The following MUC17 variants were observed in gnomAD, a reference collection of about 807,000 sequenced individuals.
MUC17 encodes mucin 17, cell surface associated.
In MUC17, 190 loss-of-function variants were observed where a neutral mutation model predicts 170.3. The observed-to-expected ratio is 1.12, with a 90% confidence interval of 0.99 to 1.26. The LOEUF (loss-of-function observed/expected upper bound fraction) is 1.26, where lower values mean the gene tolerates loss of function less well. Ranked by LOEUF, MUC17 falls within the 50% of genes most tolerant of loss-of-function variation. The pLI, the probability that MUC17 is intolerant of heterozygous loss-of-function variation, is 0.00. For synonymous variants in MUC17, 2,325 were observed against 2,002.5 expected, an observed-to-expected ratio of 1.16 and a Z score of -4.30; for missense variants, 6,415 against 5,530.0, an observed-to-expected ratio of 1.16 and a Z score of -5.08.
At chr7:101,050,964 T>C (rs10953317) in intron 7 of MUC17, among the ~76,000 whole-genome samples, 92,221 of 151,802 alleles carry the variant, frequency 0.61, 28,542 homozygotes, top group East Asian at 0.81. Flanking sequence ...TCTTGCAGGG[T>C]GCCAGGACTA....
At chr7:101,051,528 T>C (rs911908148) in intron 7 of MUC17, 85 bp from the exon 8 acceptor site, 21 of 1,386,040 alleles carry the variant, frequency 1.5e-5, no homozygotes, top group South Asian at 1.0e-4. Context: ...GCCCACCCCC[T>C]TCTCACACAC....
At chr7:101,044,602 C>T (rs1319918805) in intron 3 of MUC17, among the ~76,000 whole-genome samples, 1 of 152,196 alleles carries the variant, frequency 6.6e-6, no homozygotes, top group Non-Finnish European at 1.5e-5. Flanking sequence ...TGCCTGGGCA[C>T]CTCAGTCTCC....
intron 3 of MUC17, among the ~76,000 whole-genome samples, chr7:101,044,409 A>G (rs574450544): frequency 6.6e-6 from 1 of 152,190 alleles, no homozygotes; most frequent in South Asian, 2.1e-4. Context: ...TTCAATCTCC[A>G]CTCACTACTT....
rs1584869607 is a variant in MUC17 at position 101,040,633 on chromosome 7, T to A, written c.9217T>A (p.Ser3073Thr). 1.2e-6 allele frequency: 2 copies of A among 1,607,466 alleles called. No homozygotes were observed. Among genetic ancestry groups the A allele is most frequent in the Non-Finnish European group, 8.5e-7 (1 of 1,177,580 alleles). Residue 3073 changes from serine to threonine, a missense_variant, in exon 3 of 13, where the codon TCC becomes ACC. Transcript: ENST00000306151. ...CACCCTTTCAACAACTCCTGTTGAC[T>A]CCAACAGTCCTGTGGTCACTTCTAC... is the stretch of plus-strand genomic sequence containing the variant. ...ASTLSTTPVD[S>T]NSPVVTSTEV...
In MUC17 at chr7:101,049,365, G is replaced by T; in HGVS notation, c.12705G>T (p.Val4235=). The change falls in exon 6 of 13, where the codon GTG becomes GTT. Residue 4235 remains valine, a synonymous_variant. Transcript: ENST00000306151. ...VYSGIPEYVG[V]NITKLRLGSV... ...CCGGGATCCCTGAGTATGTCGGGGTGAACATCACAAAGCTACGGTAAGTGT... is the reference window on the plus strand; with the variant it reads ...CCGGGATCCCTGAGTATGTCGGGGTTAACATCACAAAGCTACGGTAAGTGT... The T allele has an allele frequency of 5.6e-6, 9 of 1,613,388 alleles. No homozygotes were observed. The highest frequency in any genetic ancestry group is 7.6e-6 in the Non-Finnish European group (9 of 1,179,666).
chr7:101,040,762 C>G lies in MUC17; in HGVS notation c.9346C>G (p.Pro3116Ala), dbSNP rs562321094. The change falls in exon 3 of 13, where the codon CCG becomes GCG. Residue 3116 changes from proline to alanine, a missense_variant. By Grantham distance (27) the Pro-to-Ala change is conservative (BLOSUM62 -1). Transcript: ENST00000306151. ...PLTGVPVSTT[P>A]VTSSAISTLS... is the part of the protein sequence containing the mutation. ...AACAGGTGTGCCTGTCAGCACCACA[C>G]CGGTGACCAGTTCTGCAATCAGCAC... 6.2e-6 allele frequency: 10 copies of G among 1,612,974 alleles called. No individual in the cohort carries two copies. In the South Asian group the frequency reaches 1.1e-4, roughly 18 times the overall value.
At chr7:101,020,897 T>C (rs1410210822) in intron 1 of MUC17, among the ~76,000 whole-genome samples, 1 of 152,018 alleles carries the variant, frequency 6.6e-6, no homozygotes, top group Admixed American at 6.6e-5. Flanking sequence ...TGACAGTGGG[T>C]TCCAGCTGGA....
chr7:101,038,811 C>T lies in MUC17; in HGVS notation c.7395C>T (p.Thr2465=), dbSNP rs1794580385. 4.3e-6 allele frequency: 7 copies of T among 1,612,710 alleles called. No individual in the cohort carries two copies. The South Asian group carries it at 7.7e-5, about 18-fold the overall frequency. The change falls in exon 3 of 13, where the codon ACC becomes ACT. Residue 2465 remains threonine (T), a synonymous_variant. Transcript: ENST00000306151. ...CGTTAGCAAGTATGCCTGTCAGCAC[C>T]ACGCCGGTGGTCAGTTCTGAGGCTG... The part of the protein sequence containing the change: ...TTPLASMPVS[T]TPVVSSEAGT...
In MUC17 at chr7:101,043,398, C is replaced by T. The variant is rs199655549; in HGVS notation, c.11982C>T (p.Pro3994=). 153 of 1,614,024 alleles carry T rather than the reference C, an allele frequency of 9.5e-5. No homozygotes were observed. The highest frequency in any genetic ancestry group is 2.9e-4 in the East Asian group (13 of 44,900). The change falls in exon 3 of 13, where the codon CCC becomes CCT. Residue 3994 remains proline, a synonymous_variant. Transcript: ENST00000306151. ...SFSTTKEFTT[P]AMTTAAPLTY... ...CAACTACTAAGGAATTTACAACACC[C>T]GCAATGACTACTGCAGCTCCCCTCA...
chr7:101,030,381 T>C (rs1349620588), intron 1 of MUC17, among the ~76,000 whole-genome samples: 2 of 151,884 alleles, frequency 1.3e-5, no homozygotes, highest in African/African-American at 2.4e-5. Context: ...CATGCCACCA[T>C]GCCCAGCTAA....
chr7:101,035,226 CT>C lies in MUC17; in HGVS notation c.3811del (p.Ser1271GlnfsTer10). 6.2e-7 allele frequency: 1 copy of C among 1,609,732 alleles called. No homozygotes were observed. Among genetic ancestry groups the C allele is most frequent in the Non-Finnish European group, 8.5e-7 (1 of 1,177,100 alleles). ...TTAEGTSLPTSTTSEGSTLLT... is the reference protein window; with the variant it reads ...TTAEGTSLPTXTTSEGSTLLT... ...CCGCTGAAGGTACCAGCTTGCCAAC[CT>C]CAACTACTAGTGAAGGAAGTACTCT... On this transcript the variant is annotated frameshift_variant, in exon 3 of 13. Coordinates refer to ENST00000306151, the MANE Select transcript of MUC17 (RefSeq NM_001040105.2). LOFTEE classifies it high-confidence loss of function.
Position 101,039,024 on chromosome 7 carries a change from A to C in MUC17, c.7608A>C (p.Ser2536=), listed in dbSNP as rs541058271. The change falls in exon 3 of 13, where the codon TCA becomes TCC. Residue 2536 remains serine, a synonymous_variant. Coordinates refer to ENST00000306151, the MANE Select transcript of MUC17 (RefSeq NM_001040105.2). ...PVASPEASTL[S]TTPVDSNSPV... ...CCAGTCCTGAGGCTAGCACCCTTTC[A>C]ACAACTCCTGTTGACTCCAACAGTC... 28 of 1,613,384 alleles carry C rather than the reference A, an allele frequency of 1.7e-5. No homozygotes were observed. The South Asian group carries it at 2.9e-4, about 16-fold the overall frequency.
Position 101,035,153 on chromosome 7 carries a change from C to A in MUC17, c.3737C>A (p.Thr1246Asn), listed in dbSNP as rs4729652. Residue 1246 changes from threonine (T) to asparagine (N), a missense_variant, in exon 3 of 13, where the codon ACC (threonine) becomes AAC (asparagine). Thr to Asn is a moderately conservative substitution (Grantham distance 65). Transcript: ENST00000306151. ...ACCCTTTCAACATCTCCCGTTGACA[C>A]CAGCACACCTGTGACCACTTCTGCT... The part of the protein sequence containing the change: ...ASTLSTSPVD[T>N]STPVTTSAET... The A allele has an allele frequency of 0.066, 97,864 of 1,476,772 alleles. No individual in the cohort carries two copies. The highest frequency in any genetic ancestry group is 0.22 in the African/African-American group (14,674 of 67,346). The allele number at this position is 1,476,772 out of a possible 1,614,324, so 91.5% of individuals were successfully genotyped here.
intron 3 of MUC17, 137 bp downstream of exon 3, chr7:101,043,956 C>T (rs1794788936): frequency 2.4e-6 from 2 of 823,176 alleles, no homozygotes; most frequent in African/African-American, 1.7e-5. Flanking sequence ...TCATCATTTA[C>T]ATTAGGTATT....
Position 101,040,523 on chromosome 7 carries a change from T to C in MUC17, c.9107T>C (p.Ile3036Thr). The part of the protein sequence containing the change: ...SSPTTAEGTG[I>T]PISTPSEGST... Reference sequence around the variant, plus strand: ...CCTACAACTGCTGAAGGTACCGGCATACCAATCTCAACTCCTAGTGAAGGA... The same window carrying C: ...CCTACAACTGCTGAAGGTACCGGCACACCAATCTCAACTCCTAGTGAAGGA... Residue 3036 changes from isoleucine (I) to threonine (T), a missense_variant, in exon 3 of 13, where the codon ATA becomes ACA. By Grantham distance (89) the Ile-to-Thr change is moderately conservative. Transcript: ENST00000306151. 6.2e-7 allele frequency: 1 copy of C among 1,611,320 alleles called. No individual in the cohort carries two copies. The highest frequency in any genetic ancestry group is 2.2e-5 in the East Asian group (1 of 44,690).
chr7:101,023,585 A>G (rs1165831526), intron 1 of MUC17, among the ~76,000 whole-genome samples: 1 of 151,978 alleles, frequency 6.6e-6, no homozygotes, highest in Non-Finnish European at 1.5e-5. Flanking sequence ...TTGTATTTTC[A>G]GTAGAGACGG....
rs1428827943 is a variant in MUC17, at chr7:101,042,853, A to G, written c.11437A>G (p.Ser3813Gly). Residue 3813 changes from serine (S) to glycine (G), a missense_variant, in exon 3 of 13, where the codon AGC becomes GGC. Ser to Gly is a moderately conservative substitution (Grantham distance 56). Coordinates refer to ENST00000306151, the MANE Select transcript of MUC17 (RefSeq NM_001040105.2). ...TMPMSTTSERSTLLTTVLISP... is the reference protein window; with the variant it reads ...TMPMSTTSERGTLLTTVLISP... ...GCCTATGTCAACTACGAGTGAAAGAAGCACTTTATTGACAACTGTCCTCAT... is the reference window on the plus strand; with the variant it reads ...GCCTATGTCAACTACGAGTGAAAGAGGCACTTTATTGACAACTGTCCTCAT... 6.2e-7 allele frequency: 1 copy of G among 1,614,168 alleles called. No individual in the cohort carries two copies. The highest frequency in any genetic ancestry group is 1.1e-5 in the South Asian group (1 of 91,086).
In MUC17 at chr7:101,033,525, TGAG is replaced by T. The variant is rs2116412518; in HGVS notation, c.2111_2113del (p.Glu704del). ...TCAACACCACACTGGTGGCCAGTTC[TGAG>T]GCTAGCACCCTTTCAACAACTCCTG... On this transcript the variant is annotated inframe_deletion, in exon 3 of 13. Transcript: ENST00000306151. 6.2e-7 allele frequency: 1 copy of T among 1,614,018 alleles called. No individual in the cohort carries two copies. The highest frequency in any genetic ancestry group is 2.2e-5 in the East Asian group (1 of 44,874).
chr7:101,052,422 C>G (rs1267974196), intron 9 of MUC17, among the ~76,000 whole-genome samples: 1 of 152,166 alleles, frequency 6.6e-6, no homozygotes, highest in Non-Finnish European at 1.5e-5. Context: ...GAGAGAACAG[C>G]TGGAGCATCA....
Sources: allele counts gnomAD v4.1 joint callset (sites outside exome capture counted in the v4.1 genomes callset), GRCh38; gene constraint gnomAD v4.1.1; transcripts MANE v1.5; gene names NCBI Gene and HGNC (gene_info 2026-07-23, HGNC 2026-07-21).